The following DGKG variants were observed in gnomAD, a reference collection of about 807,000 sequenced individuals.
DGKG encodes DAG kinase gamma.
DGKG carries 78 observed loss-of-function variants against 105.3 expected under a neutral mutation model. The observed-to-expected ratio is 0.74, with a 90% CI of 0.62 to 0.89. The LOEUF (loss-of-function observed/expected upper bound fraction) is 0.89, where lower values mean the gene tolerates loss of function less well. Among genes scored for constraint, DGKG ranks in the 40% least tolerant of loss-of-function variants. DGKG has a pLI of 0.00. For synonymous variants in DGKG, 346 were observed against 367.1 expected, an observed-to-expected ratio of 0.94 and a Z score of 0.66; for missense variants, 958 against 1,020.1, an observed-to-expected ratio of 0.94 and a Z score of 0.83.
Position 186,265,432 on chromosome 3 carries a change from G to A in DGKG, c.1210-126C>T, listed in dbSNP as rs144901065. 1.8e-3 allele frequency: 1,501 copies of A among 846,648 alleles called. 12 individuals are homozygous for A. The African/African-American group carries it at 0.021, about 12-fold the overall frequency. The allele number at this position is 846,648 out of a possible 1,614,324, so 52.4% of individuals were successfully genotyped here. ...CAGAAAGCTAGTGTAGTATGGAGAC[G>A]AGGTTTTCAACATAGGGCTTCTGAC... is the stretch of plus-strand genomic sequence containing the variant. On this transcript the variant is annotated intron_variant, in intron 13 of 24. Transcript: ENST00000265022.
At chr3:186,256,430 TC>T (rs1054789462) in intron 17 of DGKG, among the ~76,000 whole-genome samples, 4 of 152,168 alleles carry the variant, frequency 2.6e-5, no homozygotes, top group African/African-American at 9.7e-5. Flanking sequence ...TCTAAAGATA[TC>T]CAGAAGCTGG....
intron 1 of DGKG, among the ~76,000 whole-genome samples, chr3:186,332,363 G>C (rs1054026260): frequency 6.6e-6 from 1 of 152,166 alleles, no homozygotes; most frequent in African/African-American, 2.4e-5. Flanking sequence ...TCACCACTTG[G>C]GGCCCTTAAC....
chr3:186,161,529 C>T (rs1385844305), intron 24 of DGKG, 74 bp downstream of exon 24: 18 of 1,607,528 alleles, frequency 1.1e-5, no homozygotes, highest in African/African-American at 2.7e-5. Context: ...TCAGTGATTT[C>T]ATATTAAGTC....
chr3:186,263,132 A>G (rs1472928527), intron 14 of DGKG, among the ~76,000 whole-genome samples: 1 of 143,206 alleles, frequency 7.0e-6, no homozygotes, highest in African/African-American at 2.5e-5. Context: ...GTCTCGGAAA[A>G]GAAAAACAAA....
At chr3:186,242,278 C>T (rs1178476268) in intron 20 of DGKG, among the ~76,000 whole-genome samples, 1 of 152,236 alleles carries the variant, frequency 6.6e-6, no homozygotes, top group South Asian at 2.1e-4. Context: ...GCCCTCCAGC[C>T]CTGCCCTCTG....
At chr3:186,243,442 C>T (rs1420848566) in intron 19 of DGKG, among the ~76,000 whole-genome samples, 4 of 152,132 alleles carry the variant, frequency 2.6e-5, no homozygotes, top group Admixed American at 1.3e-4. Flanking sequence ...CTGGGTTCTA[C>T]CTGCGGCCCC....
At chr3:186,297,382 C>T (rs1393396002) in intron 5 of DGKG, 39 bp downstream of exon 5, 1 of 1,493,634 alleles carries the variant, frequency 6.7e-7, no homozygotes, top group Non-Finnish European at 9.3e-7. Context: ...ATGAGGTATT[C>T]CCTACTTTTC....
intron 20 of DGKG, among the ~76,000 whole-genome samples, chr3:186,235,720 G>C (rs9822031): frequency 1.3e-5 from 2 of 152,130 alleles, no homozygotes; most frequent in African/African-American, 4.8e-5. Flanking sequence ...GAGCTTTGTC[G>C]GTTTCTATTT....
intron 17 of DGKG, among the ~76,000 whole-genome samples, 182 bp from the exon 18 acceptor site, chr3:186,253,364 C>G (rs536438863): frequency 5.9e-5 from 9 of 152,324 alleles, no homozygotes; most frequent in South Asian, 4.1e-4. Context: ...TGTTAACCAC[C>G]ACTAATTGAG....
intron 1 of DGKG, among the ~76,000 whole-genome samples, chr3:186,326,206 A>G (rs1725333884): frequency 6.6e-6 from 1 of 152,170 alleles, no homozygotes; most frequent in Non-Finnish European, 1.5e-5. Context: ...AGCCTGGCCA[A>G]CATGGCGAAG....
At chr3:186,199,492 C>T (rs1718344910) in intron 21 of DGKG, among the ~76,000 whole-genome samples, 1 of 152,134 alleles carries the variant, frequency 6.6e-6, no homozygotes. Flanking sequence ...ATCTTCACAA[C>T]CCTACAATGT....
intron 20 of DGKG, among the ~76,000 whole-genome samples, chr3:186,234,174 G>A (rs577311696): frequency 6.6e-6 from 1 of 152,318 alleles, no homozygotes; most frequent in South Asian, 2.1e-4. Flanking sequence ...CACAATTCCT[G>A]CTTTATACGA....
intron 5 of DGKG, among the ~76,000 whole-genome samples, chr3:186,297,068 T>TCACACA (rs55826465): frequency 0.042 from 5,418 of 130,378 alleles, 199 homozygotes; most frequent in East Asian, 0.12. Flanking sequence ...TCTGTCTCTC[T>TCACACA]CACACACACA....
chr3:186,288,950 C>G (rs1723194322), intron 5 of DGKG, 70 bp from the exon 6 acceptor site: 2 of 1,433,564 alleles, frequency 1.4e-6, no homozygotes, highest in South Asian at 1.4e-5. Context: ...TCTTTGTTAC[C>G]CCATCCTTTT....
intron 18 of DGKG, among the ~76,000 whole-genome samples, chr3:186,252,237 T>C (rs1418763220): frequency 1.3e-5 from 2 of 152,210 alleles, no homozygotes; most frequent in African/African-American, 4.8e-5. Context: ...AGCAGATCCT[T>C]CTGGGCTGTG....
rs201956013 is a variant in DGKG, at chr3:186,268,782, G to A, written c.1116+19C>T. ...AAAAACGTTGAAAAGAAGCAGGGCC[G>A]CCCTGGGCGCCAACCCACCGTCATC... On this transcript the variant is annotated intron_variant, in intron 12 of 24. Transcript: ENST00000265022. The A allele has an allele frequency of 2.9e-5, 46 of 1,572,540 alleles. No homozygotes were observed. Among genetic ancestry groups the A allele is most frequent in the South Asian group, 2.1e-4 (19 of 90,252 alleles).
At chr3:186,334,355 C>G (rs1247345226) in intron 1 of DGKG, among the ~76,000 whole-genome samples, 1 of 152,178 alleles carries the variant, frequency 6.6e-6, no homozygotes, top group East Asian at 1.9e-4. Flanking sequence ...AGATTGTAAA[C>G]TGATGGAGGG....
At chr3:186,240,410 T>C (rs1560109878) in intron 20 of DGKG, among the ~76,000 whole-genome samples, 1 of 152,326 alleles carries the variant, frequency 6.6e-6, no homozygotes, top group Middle Eastern at 3.4e-3. Context: ...CAGTGTCTGG[T>C]GTGCATTACG....
intron 22 of DGKG, among the ~76,000 whole-genome samples, chr3:186,170,498 A>G (rs1716768086): frequency 6.6e-6 from 1 of 152,240 alleles, no homozygotes; most frequent in Admixed American, 6.5e-5. Context: ...CTTAAGTTTG[A>G]GAACTTGGGC....
Sources: gnomAD v4.1 joint callset for allele counts (sites outside exome capture counted in the v4.1 genomes callset) on GRCh38, gnomAD v4.1.1 for gene constraint, MANE v1.5 for transcripts, NCBI Gene and HGNC (gene_info 2026-07-23, HGNC 2026-07-21) for gene names.